Variants in HSPBAP1 observed in about 807,000 individuals in gnomAD.
The protein encoded by HSPBAP1 is HSPB1 associated protein 1, also known as HSPB1-associated protein 1.
A neutral mutation model predicts 45.2 loss-of-function variants in HSPBAP1; 27 were observed. That is an observed-to-expected ratio of 0.60 (90% CI 0.44 to 0.82). The LOEUF (loss-of-function observed/expected upper bound fraction) is 0.82. Among genes scored for constraint, HSPBAP1 ranks in the 40% least tolerant of loss-of-function variants. The pLI is 0.00. For synonymous variants in HSPBAP1, 204 were observed against 202.7 expected (o/e 1.01, Z -0.06); for missense variants, 510 against 590.9 (o/e 0.86, Z 1.42).
chr3:122,769,009 G>T, intron 2 of HSPBAP1, 127 bp from the exon 3 acceptor site: 2 of 688,380 alleles, frequency 2.9e-6, no homozygotes, highest in Non-Finnish European at 4.7e-6. Flanking sequence ...AATTCGTGTT[G>T]AGCCAGGTGT....
intron 6 of HSPBAP1, among the ~76,000 whole-genome samples, chr3:122,742,702 T>C (rs954022821): frequency 6.6e-6 from 1 of 152,212 alleles, no homozygotes; most frequent in Admixed American, 6.5e-5. Flanking sequence ...CTTACCCAAT[T>C]AGTTGAAGTC....
At chr3:122,747,005 AC>A (rs1933893005) in intron 6 of HSPBAP1, among the ~76,000 whole-genome samples, 1 of 151,426 alleles carries the variant, frequency 6.6e-6, no homozygotes, top group Non-Finnish European at 1.5e-5. Flanking sequence ...GCTCGCTACA[AC>A]CTCCACCTCC....
intron 1 of HSPBAP1, among the ~76,000 whole-genome samples, chr3:122,780,916 G>A (rs1369192770): frequency 2.1e-5 from 2 of 97,466 alleles, no homozygotes; most frequent in Admixed American, 9.2e-5. Context: ...CATCCCAGAC[G>A]GGGCGGCGGG....
chr3:122,777,564 G>A (rs772044070), intron 2 of HSPBAP1, among the ~76,000 whole-genome samples, 157 bp downstream of exon 2: 1 of 152,076 alleles, frequency 6.6e-6, no homozygotes, highest in African/African-American at 2.4e-5. Flanking sequence ...AAGCCAAACT[G>A]TTTTCCAAAC....
In HSPBAP1 at chr3:122,759,360, C is replaced by T. The variant is rs371444834; in HGVS notation, c.433G>A (p.Asp145Asn). 1.9e-6 allele frequency: 3 copies of T among 1,612,206 alleles called. No homozygotes were observed. The African/African-American group carries it at 4.0e-5, about 21-fold the overall frequency. The change falls in exon 4 of 8, where the codon GAT becomes AAT. Residue 145 changes from aspartate (D) to asparagine (N), a missense_variant and splice_region_variant. Asp to Asn is a conservative substitution (Grantham distance 23). Transcript: ENST00000306103. The stretch of plus-strand genomic sequence containing the variant: ...AACCCGAAGTCAGACCATTTCACAT[C>T]CTGTTTTGAAATAAAGTTGCAATCC... The part of the protein sequence containing the change: ...LFEDKTDLFQ[D>N]VKWSDFGFPG...
intron 6 of HSPBAP1, among the ~76,000 whole-genome samples, chr3:122,750,772 G>T (rs1204713764): frequency 1.3e-5 from 2 of 152,112 alleles, no homozygotes; most frequent in Admixed American, 1.3e-4. Flanking sequence ...AGAAAGCCAG[G>T]ATACACTCAA....
At chr3:122,760,901 T>C (rs1462797555) in intron 3 of HSPBAP1, among the ~76,000 whole-genome samples, 2 of 152,340 alleles carry the variant, frequency 1.3e-5, no homozygotes, top group East Asian at 3.9e-4. Flanking sequence ...GGTATGATGC[T>C]GGGTGCTGGG....
intron 6 of HSPBAP1, among the ~76,000 whole-genome samples, chr3:122,747,827 C>G (rs1235141851): frequency 6.6e-6 from 1 of 151,964 alleles, no homozygotes; most frequent in Non-Finnish European, 1.5e-5. Flanking sequence ...CCCAGCCGCC[C>G]CTACTGGGAA....
At chr3:122,748,935 T>C (rs1934026604) in intron 6 of HSPBAP1, among the ~76,000 whole-genome samples, 1 of 152,166 alleles carries the variant, frequency 6.6e-6, no homozygotes, top group Admixed American at 6.5e-5. Flanking sequence ...TCTGTACTAT[T>C]ATGTAGTGAA....
intron 1 of HSPBAP1, among the ~76,000 whole-genome samples, chr3:122,788,600 C>T (rs779774220): frequency 2.0e-5 from 3 of 152,154 alleles, no homozygotes; most frequent in Admixed American, 6.5e-5. Flanking sequence ...TGCAATGGAA[C>T]GTTATTCCGC....
Position 122,768,854 on chromosome 3 carries a change from G to A in HSPBAP1, c.279C>T (p.Tyr93=), listed in dbSNP as rs761929977. 24 of 1,611,054 alleles carry A rather than the reference G, an allele frequency of 1.5e-5. No homozygotes were observed. Among genetic ancestry groups the A allele is most frequent in the South Asian group, 8.8e-5 (8 of 90,968 alleles). The part of the protein sequence containing the change: ...TVPQFETTCN[Y]VEATLEEFLT... The stretch of plus-strand genomic sequence containing the variant: ...GAAACTCTTCGAGTGTAGCTTCTAC[G>A]TAATTACATGTAGTTTCAAACTGAG... The change falls in exon 3 of 8, where the codon TAC becomes TAT. Residue 93 remains tyrosine (Y), a synonymous_variant. Coordinates refer to ENST00000306103, the MANE Select transcript of HSPBAP1 (RefSeq NM_024610.6).
chr3:122,752,872 A>G (rs1489329117), intron 5 of HSPBAP1, 198 bp from the exon 6 acceptor site: 6 of 1,339,724 alleles, frequency 4.5e-6, no homozygotes, highest in Non-Finnish European at 4.8e-6. Context: ...ACAAGTTCAC[A>G]TGTTCTACAA....
intron 1 of HSPBAP1, among the ~76,000 whole-genome samples, chr3:122,788,382 T>C (rs960925176): frequency 5.3e-5 from 8 of 152,224 alleles, no homozygotes; most frequent in Admixed American, 3.9e-4. Context: ...TACCCAAATG[T>C]TTCCATTGAA....
chr3:122,764,951 C>G (rs916805484), intron 3 of HSPBAP1, among the ~76,000 whole-genome samples: 1 of 152,164 alleles, frequency 6.6e-6, no homozygotes. Flanking sequence ...GACACAGAAT[C>G]CCAAAATACA....
intron 1 of HSPBAP1, among the ~76,000 whole-genome samples, chr3:122,789,864 C>CT (rs368711372): frequency 0.54 from 74,424 of 137,126 alleles, 21,014 homozygotes; most frequent in Non-Finnish European, 0.64. Flanking sequence ...GCCAAAGCTT[C>CT]TTTTTTTTTT....
At chr3:122,753,505 CCA>C (rs1934234780) in intron 5 of HSPBAP1, 1 of 982,830 alleles carries the variant, frequency 1.0e-6, no homozygotes, top group East Asian at 1.1e-4. Context: ...TTGCAAAGGT[CCA>C]CTTATTAAAC....
At chr3:122,780,260 C>T (rs1374534652) in intron 1 of HSPBAP1, among the ~76,000 whole-genome samples, 1 of 62,652 alleles carries the variant, frequency 1.6e-5, no homozygotes, top group Non-Finnish European at 3.4e-5. Context: ...CCCTCCCGGA[C>T]GGGGCGGCTG....
chr3:122,740,682 G>T lies in HSPBAP1; in HGVS notation c.1130C>A (p.Thr377Lys). The T allele has an allele frequency of 6.2e-7, 1 of 1,614,014 alleles. No homozygotes were observed. The change falls in exon 8 of 8, where the codon ACA becomes AAA. Residue 377 changes from threonine (T) to lysine (K), a missense_variant. Transcript: ENST00000306103. ...VGQTGSQNLT[T>K]GTDKPEAASP... ...TGCTGCCTCCGGTTTGTCTGTTCCTGTGGTCAAGTTCTGGCTACCTGTTTG... is the reference window on the plus strand; with the variant it reads ...TGCTGCCTCCGGTTTGTCTGTTCCTTTGGTCAAGTTCTGGCTACCTGTTTG...
chr3:122,743,994 C>G (rs116486065), intron 6 of HSPBAP1, among the ~76,000 whole-genome samples: 4,911 of 152,156 alleles, frequency 0.032, 109 homozygotes, highest in Middle Eastern at 0.071. Context: ...GCCTGGGCAA[C>G]AGAATGAGAT....
Sources: gnomAD v4.1 joint callset for allele counts (sites outside exome capture counted in the v4.1 genomes callset) on GRCh38, gnomAD v4.1.1 for gene constraint, MANE v1.5 for transcripts, NCBI Gene and HGNC (gene_info 2026-07-23, HGNC 2026-07-21) for gene names.